Variants in EPC2 observed in about 807,000 individuals in gnomAD.
EPC2 encodes enhancer of polycomb homolog 2.
Under a neutral mutation model 92.1 loss-of-function variants are expected in EPC2, and 14 were observed. The ratio of observed to expected loss-of-function variants is 0.15; its 90% confidence interval spans 0.10 to 0.24. EPC2 has a LOEUF of 0.24. Ranked by LOEUF, EPC2 falls within the 10% of genes least tolerant of loss-of-function variation. EPC2 has a pLI of 1.00. For missense variants in EPC2, 755 were observed against 971.5 expected, an observed-to-expected ratio of 0.78 and a Z score of 2.96; for synonymous variants, 340 against 334.7, an observed-to-expected ratio of 1.02 and a Z score of -0.17.
chr2:148,683,374 TCTC>T (rs1489033494), intron 1 of EPC2, among the ~76,000 whole-genome samples: 2 of 152,004 alleles, frequency 1.3e-5, no homozygotes, highest in African/African-American at 4.8e-5. Context: ...TTCAAGCAAT[TCTC>T]CTGCCTCAGC....
intron 2 of EPC2, among the ~76,000 whole-genome samples, chr2:148,710,020 T>C (rs1682101688): frequency 6.6e-6 from 1 of 152,022 alleles, no homozygotes; most frequent in South Asian, 2.1e-4. Flanking sequence ...ACTAAAGAGC[T>C]TCTGCACAGC....
intron 3 of EPC2, among the ~76,000 whole-genome samples, chr2:148,750,362 T>C (rs1683062831): frequency 6.6e-6 from 1 of 152,088 alleles, no homozygotes; most frequent in African/African-American, 2.4e-5. Flanking sequence ...AGCTATTTTC[T>C]TTTTTGATGT....
intron 1 of EPC2, among the ~76,000 whole-genome samples, chr2:148,678,308 C>T (rs1287474962): frequency 6.6e-6 from 1 of 152,258 alleles, no homozygotes; most frequent in African/African-American, 2.4e-5. Flanking sequence ...CTCCACGTCC[C>T]CACCAGACTC....
In EPC2 at chr2:148,783,833, T is replaced by A. The variant is rs1683805938; in HGVS notation, c.2017+77T>A. ...GATTGGGAGTTTGTTTTTTGTTTTT[T>A]TATCCAAGGGGAAAATGTGTATAAG... On this transcript the variant is annotated intron_variant, in intron 12 of 13. Transcript: ENST00000258484. The A allele has an allele frequency of 3.5e-6, 5 of 1,438,822 alleles. No individual in the cohort carries two copies. The East Asian group carries it at 1.3e-4, about 36-fold the overall frequency. The allele number at this position is 1,438,822 out of a possible 1,614,324, so 89.1% of individuals were successfully genotyped here.
At chr2:148,656,909 C>G (rs1574563893) in intron 1 of EPC2, among the ~76,000 whole-genome samples, 1 of 152,282 alleles carries the variant, frequency 6.6e-6, no homozygotes, top group East Asian at 1.9e-4. Context: ...AATATCAATT[C>G]ATGTAATAGC....
intron 1 of EPC2, among the ~76,000 whole-genome samples, chr2:148,667,330 C>G (rs1199466202): frequency 1.3e-5 from 2 of 152,222 alleles, no homozygotes; most frequent in Non-Finnish European, 2.9e-5. Context: ...ATAAAAGGAA[C>G]TAGCACACTG....
At chr2:148,687,893 C>G (rs950771467) in intron 1 of EPC2, among the ~76,000 whole-genome samples, 1 of 152,162 alleles carries the variant, frequency 6.6e-6, no homozygotes, top group African/African-American at 2.4e-5. Flanking sequence ...ATCTATCCCC[C>G]TCTATCATCT....
intron 2 of EPC2, among the ~76,000 whole-genome samples, chr2:148,736,330 C>T (rs1682752642): frequency 6.6e-6 from 1 of 152,060 alleles, no homozygotes; most frequent in Admixed American, 6.5e-5. Context: ...GGAACCTATT[C>T]AGGTTTGCTC....
rs201503068 is a variant in EPC2, at chr2:148,743,782, A to G, written c.459+15A>G. 135 of 1,511,488 alleles carry G rather than the reference A, an allele frequency of 8.9e-5. No individual in the cohort carries two copies. Among genetic ancestry groups the G allele is most frequent in the Non-Finnish European group, 1.2e-4 (133 of 1,135,134 alleles). 93.6% of individuals were successfully genotyped at this position (1,511,488 alleles called of 1,614,324 possible). ...GTTCTAATCAGGTACTGTACCATGT[A>G]AAGATGTCTCTTATCTTCTAGTTAA... On this transcript the variant is annotated intron_variant, in intron 3 of 13. Coordinates refer to ENST00000258484, the MANE Select transcript of EPC2 (RefSeq NM_015630.4).
chr2:148,736,412 C>T (rs192994866), intron 2 of EPC2, among the ~76,000 whole-genome samples: 2 of 152,168 alleles, frequency 1.3e-5, no homozygotes, highest in East Asian at 3.9e-4. Context: ...GGTTACCTTA[C>T]ATGTTTTCCT....
chr2:148,652,833 A>G (rs923202017), intron 1 of EPC2, among the ~76,000 whole-genome samples: 15 of 152,310 alleles, frequency 9.8e-5, no homozygotes, highest in African/African-American at 3.1e-4. Flanking sequence ...TAGTAGAGCA[A>G]TCCATTCTGT....
intron 10 of EPC2, among the ~76,000 whole-genome samples, chr2:148,776,856 C>CTCTCTTTTTTT (rs1247135854): frequency 9.9e-6 from 1 of 101,042 alleles, no homozygotes; most frequent in African/African-American, 3.7e-5. Flanking sequence ...GTCTCTCTCT[C>CTCTCTTTTTTT]TTTTTTTTTT....
intron 2 of EPC2, among the ~76,000 whole-genome samples, chr2:148,742,784 CAA>C (rs5835210): frequency 3.0e-4 from 40 of 135,046 alleles, no homozygotes; most frequent in Middle Eastern, 3.7e-3. Flanking sequence ...GACCTTGCCT[CAA>C]AAAAAAAAAA....
intron 2 of EPC2, among the ~76,000 whole-genome samples, chr2:148,696,843 T>C (rs1681756454): frequency 6.6e-6 from 1 of 152,232 alleles, no homozygotes; most frequent in South Asian, 2.1e-4. Context: ...AAAGGAAATT[T>C]GCCTTCTCAT....
intron 2 of EPC2, among the ~76,000 whole-genome samples, chr2:148,743,048 G>A (rs770233591): frequency 7.9e-5 from 12 of 152,066 alleles, no homozygotes; most frequent in South Asian, 2.1e-4. Context: ...GTTGCTGCCC[G>A]TGCAACATTC....
At chr2:148,783,790 T>C (rs1419389310) in intron 12 of EPC2, 34 bp downstream of exon 12, 2 of 1,558,244 alleles carry the variant, frequency 1.3e-6, no homozygotes, top group Admixed American at 1.9e-5. Context: ...ACCTACTTTC[T>C]TGAAGTTGTA....
intron 7 of EPC2, among the ~76,000 whole-genome samples, chr2:148,767,308 A>G (rs1471797482): frequency 3.3e-5 from 5 of 151,900 alleles, no homozygotes; most frequent in East Asian, 1.9e-4. Context: ...CAGCATAACT[A>G]CTCATATGTT....
At chr2:148,700,866 C>T (rs1681871229) in intron 2 of EPC2, among the ~76,000 whole-genome samples, 1 of 152,060 alleles carries the variant, frequency 6.6e-6, no homozygotes. Flanking sequence ...GAATCTGTAT[C>T]ACATTTGAGA....
intron 7 of EPC2, among the ~76,000 whole-genome samples, chr2:148,767,845 G>A (rs1022567187): frequency 1.3e-5 from 2 of 152,178 alleles, no homozygotes; most frequent in African/African-American, 2.4e-5. Context: ...TTTATACACA[G>A]AATTTCTGAG....
Sources: allele counts gnomAD v4.1 joint callset (sites outside exome capture counted in the v4.1 genomes callset), GRCh38; gene constraint gnomAD v4.1.1; transcripts MANE v1.5; gene names NCBI Gene and HGNC (gene_info 2026-07-23, HGNC 2026-07-21).